AGMO: variants seen among roughly 807,000 people sequenced by gnomAD.
AGMO encodes the protein glyceryl-ether monooxygenase.
Under a neutral mutation model 60.2 loss-of-function variants are expected in AGMO, and 75 were observed. The ratio of observed to expected loss-of-function variants is 1.25; its 90% confidence interval spans 1.03 to 1.51. AGMO has a LOEUF of 1.51. Among genes scored for constraint, AGMO ranks in the 40% most tolerant of loss-of-function variants. The probability of loss-of-function intolerance (pLI) is 0.00; values close to 1 mark genes in which losing one functional copy is unlikely to be tolerated. For missense variants in AGMO, 763 were observed against 525.5 expected, an observed-to-expected ratio of 1.45 and a Z score of -4.42; for synonymous variants, 261 against 177.1, an observed-to-expected ratio of 1.47 and a Z score of -3.76.
the AGMO span, among the ~76,000 whole-genome samples, chr7:15,184,228 A>C: frequency 6.6e-6 from 1 of 150,522 alleles, no homozygotes; most frequent in South Asian, 2.2e-4. Flanking sequence ...AAAAGTAAAA[A>C]ATGTAAGGAA....
At chr7:15,207,842 G>A (rs943626440) in intron 12 of AGMO, among the ~76,000 whole-genome samples, 1 of 152,208 alleles carries the variant, frequency 6.6e-6, no homozygotes, top group African/African-American at 2.4e-5. Context: ...GCTGAGACAG[G>A]AGATTGGCAT....
intron 12 of AGMO, among the ~76,000 whole-genome samples, chr7:15,208,670 T>C (rs2115473739): frequency 6.6e-6 from 1 of 152,314 alleles, no homozygotes; most frequent in South Asian, 2.1e-4. Context: ...GCACTATTTT[T>C]TGAAGTATAA....
At chr7:15,174,412 C>A in the AGMO span, among the ~76,000 whole-genome samples, 2 of 151,974 alleles carry the variant, frequency 1.3e-5, no homozygotes, top group Non-Finnish European at 2.9e-5. Flanking sequence ...AATTTTTAAA[C>A]AGAGAATAAA....
chr7:15,165,637 A>T, the AGMO span, among the ~76,000 whole-genome samples: 3 of 152,198 alleles, frequency 2.0e-5, no homozygotes, highest in African/African-American at 7.2e-5. Context: ...AGAGTAGCAT[A>T]TCTGAAAAGT....
Position 15,406,101 on chromosome 7 carries a change from T to G in AGMO, c.610-11922A>C, listed in dbSNP as rs980399526. Reference sequence around the variant, plus strand: ...AGTAAAACTCTTCTAACTTTGGTTCTTTATTTTCTGTTGGGAAAGAGTCAC... The same window carrying G: ...AGTAAAACTCTTCTAACTTTGGTTCGTTATTTTCTGTTGGGAAAGAGTCAC... On this transcript the variant is annotated intron_variant, in intron 5 of 12. Coordinates refer to ENST00000342526, the MANE Select transcript of AGMO (RefSeq NM_001004320.2). 2.0e-5 allele frequency among the ~76,000 whole-genome samples: 3 copies of G among 151,716 alleles called. No individual in the cohort carries two copies. The Admixed American group carries it at 2.0e-4, about 10-fold the overall frequency.
At chr7:15,465,217 C>T (rs1020937554) in intron 3 of AGMO, among the ~76,000 whole-genome samples, 2 of 151,940 alleles carry the variant, frequency 1.3e-5, no homozygotes, top group South Asian at 2.1e-4. Flanking sequence ...CAAATGTGGG[C>T]TCGCCAGGAC....
chr7:15,381,845 A>G (rs1337488461), intron 10 of AGMO, among the ~76,000 whole-genome samples: 1 of 152,198 alleles, frequency 6.6e-6, no homozygotes, highest in Non-Finnish European at 1.5e-5. Context: ...GCAGCCACCA[A>G]AAACAATGAG....
At chr7:15,343,004 T>C (rs1159316436) in intron 12 of AGMO, among the ~76,000 whole-genome samples, 1 of 152,032 alleles carries the variant, frequency 6.6e-6, no homozygotes, top group East Asian at 1.9e-4. Flanking sequence ...TTCCCTTTTA[T>C]GAATGTTTTT....
chr7:15,148,488 A>G, the AGMO span, among the ~76,000 whole-genome samples: 1 of 151,842 alleles, frequency 6.6e-6, no homozygotes, highest in African/African-American at 2.4e-5. Context: ...CCTCCCATGG[A>G]CCACCCTCAA....
At chr7:15,225,407 T>C (rs1014374421) in intron 12 of AGMO, among the ~76,000 whole-genome samples, 1 of 151,942 alleles carries the variant, frequency 6.6e-6, no homozygotes, top group Non-Finnish European at 1.5e-5. Context: ...TTACAAATGT[T>C]TTAACTTTCT....
intron 12 of AGMO, among the ~76,000 whole-genome samples, chr7:15,326,471 T>C (rs947707972): frequency 6.6e-6 from 1 of 152,192 alleles, no homozygotes; most frequent in African/African-American, 2.4e-5. Context: ...CTCTTAACTT[T>C]TGTGCCTGCC....
At chr7:15,123,861 A>G in the AGMO span, among the ~76,000 whole-genome samples, 3 of 152,270 alleles carry the variant, frequency 2.0e-5, no homozygotes, top group African/African-American at 7.2e-5. Context: ...GAGCAGCAGT[A>G]AAATGAAGTA....
chr7:15,227,300 G>A (rs1349718118), intron 12 of AGMO, among the ~76,000 whole-genome samples: 1 of 151,876 alleles, frequency 6.6e-6, no homozygotes, highest in African/African-American at 2.4e-5. Context: ...CCAATCACAA[G>A]CTGCCTACTG....
intron 12 of AGMO, among the ~76,000 whole-genome samples, chr7:15,322,621 A>T (rs866374251): frequency 5.0e-4 from 15 of 30,180 alleles, no homozygotes; most frequent in Admixed American, 1.3e-3. Context: ...TAAATATATA[A>T]ATATATATAA....
intron 12 of AGMO, among the ~76,000 whole-genome samples, chr7:15,221,111 T>C (rs1038419255): frequency 3.3e-5 from 5 of 152,292 alleles, no homozygotes; most frequent in African/African-American, 9.6e-5. Flanking sequence ...GTTGTTGTTT[T>C]CTCAATCAGT....
intron 3 of AGMO, among the ~76,000 whole-genome samples, chr7:15,541,262 AC>A (rs1189830206): frequency 6.6e-6 from 1 of 152,066 alleles, no homozygotes; most frequent in Non-Finnish European, 1.5e-5. Context: ...AGCTGGGATT[AC>A]AGGCGTGGGC....
intron 12 of AGMO, among the ~76,000 whole-genome samples, chr7:15,237,468 C>T (rs796424355): frequency 1.4e-4 from 21 of 151,818 alleles, no homozygotes; most frequent in African/African-American, 4.6e-4. Context: ...GAATATACTT[C>T]GGTTAGACCT....
At chr7:15,367,745 G>C (rs1783041649) in intron 10 of AGMO, among the ~76,000 whole-genome samples, 1 of 152,074 alleles carries the variant, frequency 6.6e-6, no homozygotes, top group Non-Finnish European at 1.5e-5. Context: ...CCTACTCACT[G>C]GTGGAGCTTA....
chr7:15,460,117 G>T (rs13222847), intron 3 of AGMO, among the ~76,000 whole-genome samples: 102,037 of 131,048 alleles, frequency 0.78, 40,853 homozygotes, highest in African/African-American at 0.85. Flanking sequence ...TTTTTTTTTT[G>T]TTTTTTTGAG....
Sources: gnomAD v4.1 joint callset for allele counts (sites outside exome capture counted in the v4.1 genomes callset) on GRCh38, gnomAD v4.1.1 for gene constraint, MANE v1.5 for transcripts, NCBI Gene and HGNC (gene_info 2026-07-23, HGNC 2026-07-21) for gene names.